ZNF676: variants seen among roughly 807,000 people sequenced by gnomAD.
ZNF676 encodes zinc finger protein 676.
In ZNF676, 4 loss-of-function variants were observed where a neutral mutation model predicts 6.0. The observed-to-expected ratio is 0.67, with a 90% CI of 0.33 to 1.53. The LOEUF is 1.53. Ranked by LOEUF, ZNF676 falls within the 40% of genes most tolerant of loss-of-function variation. The pLI is 0.06. For synonymous variants in ZNF676, 198 were observed against 223.1 expected (o/e 0.89, Z 1.00); for missense variants, 644 against 679.7 (o/e 0.95, Z 0.58).
At chr19:22,206,091 A>AC (rs2024073871) in intron 1 of ZNF676, among the ~76,000 whole-genome samples, 1 of 146,308 alleles carries the variant, frequency 6.8e-6, no homozygotes, top group Admixed American at 6.9e-5. Context: ...ACACACACAC[A>AC]AAATCAAAGC....
the ZNF676 span, among the ~76,000 whole-genome samples, chr19:22,223,062 T>C: frequency 6.6e-6 from 1 of 152,088 alleles, no homozygotes; most frequent in African/African-American, 2.4e-5. Flanking sequence ...ATGGGTGTCT[T>C]CCTCCAGGCC....
chr19:22,197,318 C>CAAAAAAAA (rs35429094), upstream of ZNF676, among the ~76,000 whole-genome samples: 1 of 109,600 alleles, frequency 9.1e-6, no homozygotes. Context: ...AACTCCATCT[C>CAAAAAAAA]AAAAAAAAAA....
chr19:22,253,402 G>GTATATATATA, the ZNF676 span, among the ~76,000 whole-genome samples: 28 of 106,336 alleles, frequency 2.6e-4, no homozygotes, highest in East Asian at 1.4e-3. Context: ...ATATGATAAT[G>GTATATATATA]TGTATATATA....
chr19:22,256,998 G>A, the ZNF676 span, among the ~76,000 whole-genome samples: 3 of 152,088 alleles, frequency 2.0e-5, no homozygotes, highest in Non-Finnish European at 4.4e-5. Flanking sequence ...GTCTAAGCAG[G>A]CAAGGGGAGT....
chr19:22,226,091 T>A, the ZNF676 span, among the ~76,000 whole-genome samples: 1 of 152,066 alleles, frequency 6.6e-6, no homozygotes, highest in African/African-American at 2.4e-5. Flanking sequence ...TTTATATAAA[T>A]TTTTTTGTCT....
chr19:22,199,937 A>C (rs2024007320), upstream of ZNF676, among the ~76,000 whole-genome samples: 1 of 152,130 alleles, frequency 6.6e-6, no homozygotes, highest in South Asian at 2.1e-4. Flanking sequence ...ACCAGCTCTA[A>C]AAAGGCAACA....
rs1455850250 is a variant in ZNF676, at chr19:22,181,369, G to A, written c.348C>T (p.Gly116=). Residue 116 remains glycine (G), a synonymous_variant, in exon 3 of 3, where the codon GGC becomes GGT. Transcript: ENST00000397121. ...ATTTATGAAAGACGTTTGCATATTT[G>A]CCACATTGAAATACTTTGCTCTGTG... ...TTTQSKVFQC[G]KYANVFHKCS... 6.2e-7 allele frequency: 1 copy of A among 1,613,614 alleles called. No individual in the cohort carries two copies. Among genetic ancestry groups the A allele is most frequent in the Non-Finnish European group, 8.5e-7 (1 of 1,179,732 alleles).
chr19:22,253,094 A>T, the ZNF676 span, among the ~76,000 whole-genome samples: 1 of 152,108 alleles, frequency 6.6e-6, no homozygotes, highest in African/African-American at 2.4e-5. Context: ...GTGGAGTCAA[A>T]GCCTCACAGA....
At chr19:22,235,028 G>GT in the ZNF676 span, among the ~76,000 whole-genome samples, 3 of 62,324 alleles carry the variant, frequency 4.8e-5, no homozygotes, top group African/African-American at 2.2e-4. Context: ...AAGAAAGAAA[G>GT]AAAGAAAAGA....
upstream of ZNF676, among the ~76,000 whole-genome samples, chr19:22,197,686 G>A (rs2023982221): frequency 6.6e-6 from 1 of 152,136 alleles, no homozygotes; most frequent in Non-Finnish European, 1.5e-5. Flanking sequence ...AAGGGCAGCT[G>A]TCAGATTAAA....
chr19:22,188,190 A>G (rs140654440), intron 2 of ZNF676, among the ~76,000 whole-genome samples: 41 of 152,302 alleles, frequency 2.7e-4, no homozygotes, highest in African/African-American at 9.4e-4. Context: ...CATCCCTGGA[A>G]TGCAAGGTTT....
At chr19:22,245,111 C>G in the ZNF676 span, 1 of 152,204 alleles carries the variant, frequency 6.6e-6, no homozygotes, top group African/African-American at 2.4e-5. Context: ...CACCTAGGTG[C>G]TTGGTCCAGT....
chr19:22,197,335 A>T (rs2144776173), upstream of ZNF676, among the ~76,000 whole-genome samples: 1 of 149,586 alleles, frequency 6.7e-6, no homozygotes, highest in African/African-American at 2.4e-5. Flanking sequence ...AAAAAAAAAA[A>T]TTCATCGTGT....
chr19:22,215,721 G>T (rs1327121363), exon 1 of ZNF676: 21 of 1,550,540 alleles, frequency 1.4e-5, no homozygotes, highest in Middle Eastern at 1.7e-4. Context: ...GGGACTCTAG[G>T]AACAGTAAGG....
chr19:22,196,387 C>T (rs1490198910), intron 1 of ZNF676, among the ~76,000 whole-genome samples: 1 of 152,130 alleles, frequency 6.6e-6, no homozygotes, highest in Non-Finnish European at 1.5e-5. Flanking sequence ...CCCCCTTCTC[C>T]CTATCTCCTT....
chr19:22,253,366 GTGTGTGTATATATATA>G, the ZNF676 span, among the ~76,000 whole-genome samples: 2 of 63,720 alleles, frequency 3.1e-5, no homozygotes, highest in African/African-American at 1.2e-4. Flanking sequence ...GTGTGTGTGT[GTGTGTGTATATATATA>G]TATATATATA....
At chr19:22,200,990 AT>A (rs1231235103), upstream of ZNF676, among the ~76,000 whole-genome samples, 1 of 152,056 alleles carries the variant, frequency 6.6e-6, no homozygotes, top group African/African-American at 2.4e-5. Flanking sequence ...TTCGTAGGTG[AT>A]TGTGAGAGGG....
chr19:22,251,601 C>A, the ZNF676 span, among the ~76,000 whole-genome samples: 1 of 151,824 alleles, frequency 6.6e-6, no homozygotes, highest in African/African-American at 2.4e-5. Context: ...CAGCCTGGCC[C>A]ACATGGTGAA....
the ZNF676 span, among the ~76,000 whole-genome samples, chr19:22,222,146 C>T: frequency 4.6e-5 from 7 of 152,064 alleles, no homozygotes; most frequent in Non-Finnish European, 1.0e-4. Context: ...ACTCTGTCGC[C>T]CAAGCTGGAG....
Sources: allele counts gnomAD v4.1 joint callset (sites outside exome capture counted in the v4.1 genomes callset), GRCh38; gene constraint gnomAD v4.1.1; transcripts MANE v1.5; gene names NCBI Gene and HGNC (gene_info 2026-07-23, HGNC 2026-07-21).